MRPS9: variants seen among roughly 807,000 people sequenced by gnomAD.
The protein encoded by MRPS9 is small ribosomal subunit protein uS9m.
Under a neutral mutation model 59.9 loss-of-function variants are expected in MRPS9, and 45 were observed. The observed-to-expected ratio is 0.75, with a 90% CI of 0.59 to 0.96. MRPS9 has a LOEUF of 0.96. Ranked by LOEUF, MRPS9 falls within the 40% of genes least tolerant of loss-of-function variation. MRPS9 has a pLI of 0.00. For missense variants in MRPS9, 473 were observed against 481.1 expected (o/e 0.98, Z 0.16); for synonymous variants, 171 against 166.8 (o/e 1.03, Z -0.19).
At chr2:105,085,891 G>GT (rs1293333171) in intron 5 of MRPS9, among the ~76,000 whole-genome samples, 1 of 152,138 alleles carries the variant, frequency 6.6e-6, no homozygotes, top group Non-Finnish European at 1.5e-5. Flanking sequence ...GCTACCAGTG[G>GT]TAATCTGTGA....
intron 5 of MRPS9, among the ~76,000 whole-genome samples, 187 bp from the exon 6 acceptor site, chr2:105,088,797 C>A (rs1334907505): frequency 6.6e-6 from 1 of 151,874 alleles, no homozygotes; most frequent in East Asian, 1.9e-4. Context: ...ACTCTATCAT[C>A]CTTTAGTTTA....
At chr2:105,073,800 T>C (rs774483912) in intron 4 of MRPS9, among the ~76,000 whole-genome samples, 1 of 152,192 alleles carries the variant, frequency 6.6e-6, no homozygotes, top group Non-Finnish European at 1.5e-5. Flanking sequence ...CTAATCTCCA[T>C]TGAGTAGATT....
chr2:105,080,133 C>T (rs68154520), intron 5 of MRPS9, 71 bp downstream of exon 5: 103,035 of 1,065,568 alleles, frequency 0.097, 5,636 homozygotes, highest in Non-Finnish European at 0.12. Flanking sequence ...GGATACTGTT[C>T]GCAGCTTCAG....
chr2:105,052,519 CT>C (rs1679731171), intron 2 of MRPS9, among the ~76,000 whole-genome samples: 1 of 151,838 alleles, frequency 6.6e-6, no homozygotes, highest in Non-Finnish European at 1.5e-5. Context: ...TTATATGTTT[CT>C]GGATTTGGTT....
chr2:105,079,965 C>CTGGCTTTT lies in MRPS9; in HGVS notation c.410-16_410-9dup. 1 of 1,600,816 alleles carries CTGGCTTTT rather than the reference C, an allele frequency of 6.2e-7. No homozygotes were observed. Among genetic ancestry groups the CTGGCTTTT allele is most frequent in the South Asian group, 1.1e-5 (1 of 89,882 alleles). ...TGTGTATATTTTTATTTGCTTTCAT[C>CTGGCTTTT]TGGCTTTTTTAAATCAGCAATCCAG... On this transcript the variant is annotated splice_polypyrimidine_tract_variant and intron_variant, in intron 4 of 10. Coordinates refer to ENST00000258455, the MANE Select transcript of MRPS9 (RefSeq NM_182640.3).
chr2:105,053,724 A>C (rs1185322001), intron 2 of MRPS9, among the ~76,000 whole-genome samples: 1 of 152,194 alleles, frequency 6.6e-6, no homozygotes, highest in African/African-American at 2.4e-5. Flanking sequence ...GAGAAGAGAT[A>C]CTTAACATCA....
chr2:105,081,835 G>A (rs181299300), intron 5 of MRPS9, among the ~76,000 whole-genome samples: 7 of 152,300 alleles, frequency 4.6e-5, no homozygotes, highest in African/African-American at 1.7e-4. Flanking sequence ...TAATTTCTAA[G>A]TGTATGCCTT....
intron 5 of MRPS9, 30 bp downstream of exon 5, chr2:105,080,092 A>G (rs375349236): frequency 6.8e-6 from 10 of 1,465,398 alleles, no homozygotes; most frequent in African/African-American, 5.6e-5. Context: ...GATAAATAAT[A>G]TGAGCTGTAA....
intron 2 of MRPS9, among the ~76,000 whole-genome samples, chr2:105,069,851 A>C (rs1246828275): frequency 6.6e-6 from 1 of 151,030 alleles, no homozygotes; most frequent in Non-Finnish European, 1.5e-5. Flanking sequence ...ATCTCTACAA[A>C]AAAAAAAAAA....
intron 2 of MRPS9, among the ~76,000 whole-genome samples, chr2:105,049,753 C>T (rs887571894): frequency 3.3e-5 from 5 of 151,980 alleles, no homozygotes; most frequent in African/African-American, 1.2e-4. Context: ...AAAATGGGGG[C>T]GTAGTCTAAG....
chr2:105,043,577 AC>A (rs1679538499), intron 1 of MRPS9, among the ~76,000 whole-genome samples: 1 of 151,946 alleles, frequency 6.6e-6, no homozygotes, highest in Admixed American at 6.6e-5. Context: ...GATCCCTTGG[AC>A]CCTGCCTGCT....
intron 1 of MRPS9, among the ~76,000 whole-genome samples, chr2:105,048,758 G>T (rs1679655269): frequency 6.6e-6 from 1 of 151,852 alleles, no homozygotes; most frequent in African/African-American, 2.4e-5. Context: ...GTTTGCTGTC[G>T]TGTTTTCTGC....
At chr2:105,057,202 T>C (rs1679805881) in intron 2 of MRPS9, among the ~76,000 whole-genome samples, 1 of 152,160 alleles carries the variant, frequency 6.6e-6, no homozygotes, top group Admixed American at 6.5e-5. Flanking sequence ...TGATAACCTT[T>C]AGAAGATCTA....
At chr2:105,059,313 C>T (rs1003197507) in intron 2 of MRPS9, among the ~76,000 whole-genome samples, 1 of 152,088 alleles carries the variant, frequency 6.6e-6, no homozygotes, top group Non-Finnish European at 1.5e-5. Flanking sequence ...ATTAGGACAT[C>T]GGCAACCTTA....
chr2:105,087,584 CT>C (rs1680472998), intron 5 of MRPS9, among the ~76,000 whole-genome samples: 1 of 151,964 alleles, frequency 6.6e-6, no homozygotes, highest in Non-Finnish European at 1.5e-5. Flanking sequence ...CTTCTTTTTT[CT>C]TTTCTCTTCT....
chr2:105,070,265 T>G (rs1376776229), intron 2 of MRPS9, among the ~76,000 whole-genome samples: 1 of 151,990 alleles, frequency 6.6e-6, no homozygotes, highest in Admixed American at 6.5e-5. Context: ...CCACCGTGCC[T>G]GACCTAGGTT....
intron 2 of MRPS9, among the ~76,000 whole-genome samples, chr2:105,051,878 G>T (rs1421686836): frequency 4.0e-5 from 6 of 151,792 alleles, no homozygotes; most frequent in African/African-American, 7.3e-5. Context: ...GTATATTTTT[G>T]ATTTTGAATC....
intron 9 of MRPS9, among the ~76,000 whole-genome samples, chr2:105,094,644 C>T (rs972062449): frequency 2.0e-5 from 3 of 152,200 alleles, no homozygotes; most frequent in African/African-American, 7.2e-5. Flanking sequence ...CCTGTGTCAA[C>T]AAGCAGTGCA....
At chr2:105,042,338 G>A (rs1354545911) in intron 1 of MRPS9, among the ~76,000 whole-genome samples, 1 of 152,256 alleles carries the variant, frequency 6.6e-6, no homozygotes, top group Non-Finnish European at 1.5e-5. Flanking sequence ...CTTGCTGGCT[G>A]TTGGCCAGAG....
Sources: allele counts gnomAD v4.1 joint callset (sites outside exome capture counted in the v4.1 genomes callset), GRCh38; gene constraint gnomAD v4.1.1; transcripts MANE v1.5; gene names NCBI Gene and HGNC (gene_info 2026-07-23, HGNC 2026-07-21).